Variants in FAM178B observed in about 807,000 individuals in gnomAD.
FAM178B encodes family with sequence similarity 178 member B.
FAM178B carries 82 observed loss-of-function variants against 91.7 expected under a neutral mutation model. The ratio of observed to expected loss-of-function variants is 0.89; its 90% CI spans 0.75 to 1.07. The LOEUF is 1.07. Among genes scored for constraint, FAM178B ranks in the 50% least tolerant of loss-of-function variants. The pLI, the probability that FAM178B is intolerant of heterozygous loss-of-function variation, is 0.00. For synonymous variants in FAM178B, 368 were observed against 359.4 expected, an observed-to-expected ratio of 1.02 and a Z score of -0.27; for missense variants, 769 against 846.7, an observed-to-expected ratio of 0.91 and a Z score of 1.14.
At chr2:96,893,159 A>G (rs1376958614) in intron 14 of FAM178B, among the ~76,000 whole-genome samples, 1 of 152,166 alleles carries the variant, frequency 6.6e-6, no homozygotes, top group Non-Finnish European at 1.5e-5. Flanking sequence ...ATCTTCCCCA[A>G]TTATAACGAT....
chr2:96,935,357 C>T (rs2081607184), intron 8 of FAM178B, among the ~76,000 whole-genome samples: 1 of 152,264 alleles, frequency 6.6e-6, no homozygotes, highest in South Asian at 2.1e-4. Context: ...TCTCATGCTC[C>T]AGGTCACATC....
chr2:96,982,233 T>C (rs1180357819), intron 1 of FAM178B, among the ~76,000 whole-genome samples: 1 of 152,028 alleles, frequency 6.6e-6, no homozygotes, highest in Non-Finnish European at 1.5e-5. Flanking sequence ...TAAATATATA[T>C]ATTCATATAG....
chr2:96,881,690 GTT>G (rs1247786232), intron 14 of FAM178B, among the ~76,000 whole-genome samples: 1 of 144,178 alleles, frequency 6.9e-6, no homozygotes, highest in East Asian at 2.2e-4. Context: ...AGAGTTACTG[GTT>G]TCACAACTTG....
At chr2:96,977,228 T>C (rs368070016) in intron 1 of FAM178B, among the ~76,000 whole-genome samples, 1 of 52,576 alleles carries the variant, frequency 1.9e-5, no homozygotes, top group Non-Finnish European at 3.8e-5. Flanking sequence ...GTAAAGAAAA[T>C]ACAAAAATTA....
intron 8 of FAM178B, among the ~76,000 whole-genome samples, chr2:96,933,312 T>TAAGA (rs1434497416): frequency 3.3e-5 from 5 of 152,162 alleles, no homozygotes; most frequent in African/African-American, 9.7e-5. Flanking sequence ...GGGCTCTGTG[T>TAAGA]AAGAGGCTGT....
At chr2:96,887,746 C>A (rs2080563858) in intron 14 of FAM178B, among the ~76,000 whole-genome samples, 1 of 152,222 alleles carries the variant, frequency 6.6e-6, no homozygotes, top group Non-Finnish European at 1.5e-5. Context: ...AGATAATCCA[C>A]AGCGTTGTCC....
intron 14 of FAM178B, among the ~76,000 whole-genome samples, chr2:96,883,009 C>T (rs1037291948): frequency 3.3e-5 from 5 of 152,238 alleles, no homozygotes; most frequent in Non-Finnish European, 5.9e-5. Flanking sequence ...GGGTCTTTCC[C>T]CAGAGTCTGG....
intron 6 of FAM178B, among the ~76,000 whole-genome samples, chr2:96,955,903 C>T (rs544193129): frequency 4.0e-4 from 61 of 152,288 alleles, no homozygotes; most frequent in African/African-American, 1.4e-3. Context: ...AAACAAGAGG[C>T]GGGGCTGCCG....
At chr2:96,976,110 T>C (rs2153376067) in intron 1 of FAM178B, among the ~76,000 whole-genome samples, 1 of 152,116 alleles carries the variant, frequency 6.6e-6, no homozygotes, top group East Asian at 1.9e-4. Flanking sequence ...TTTTTTTTTT[T>C]TTGAGAGAGA....
At chr2:96,962,170 C>T (rs2082089282) in intron 5 of FAM178B, among the ~76,000 whole-genome samples, 1 of 151,970 alleles carries the variant, frequency 6.6e-6, no homozygotes, top group Non-Finnish European at 1.5e-5. Flanking sequence ...GGCGTGGTAG[C>T]CGGCACCTGT....
At chr2:96,949,063 CAAG>C (rs751075079) in intron 7 of FAM178B, among the ~76,000 whole-genome samples, 3 of 152,200 alleles carry the variant, frequency 2.0e-5, no homozygotes, top group African/African-American at 4.8e-5. Flanking sequence ...TCTCTCCCAA[CAAG>C]AACATACATT....
chr2:96,981,043 C>T (rs1418257641), intron 1 of FAM178B, among the ~76,000 whole-genome samples: 1 of 152,164 alleles, frequency 6.6e-6, no homozygotes. Flanking sequence ...GCGATCTCAG[C>T]TCACTGCAAC....
At chr2:96,960,535 G>A (rs978439054) in intron 5 of FAM178B, 95 bp from the exon 6 acceptor site, 14 of 1,382,446 alleles carry the variant, frequency 1.0e-5, no homozygotes, top group Middle Eastern at 1.9e-4. Context: ...GGGGGGCCAC[G>A]GGCTCCCTGC....
rs759625072 is a variant in FAM178B, at chr2:96,878,501, G to C, written c.1777-8C>G. Reference sequence around the variant, plus strand: ...GTGGCACAGGTAGCAGGCCTGGAGGGAGAGCACAGGGAGAGCTGCTTCTCT... The same window carrying C: ...GTGGCACAGGTAGCAGGCCTGGAGGCAGAGCACAGGGAGAGCTGCTTCTCT... On this transcript the variant is annotated splice_polypyrimidine_tract_variant and splice_region_variant and intron_variant, in intron 14 of 16. Coordinates refer to ENST00000490605, the MANE Select transcript of FAM178B (RefSeq NM_001122646.3). 6.2e-7 allele frequency: 1 copy of C among 1,613,400 alleles called. No individual in the cohort carries two copies. Among genetic ancestry groups the C allele is most frequent in the Non-Finnish European group, 8.5e-7 (1 of 1,179,894 alleles).
chr2:96,926,529 C>A (rs913958767), intron 9 of FAM178B, among the ~76,000 whole-genome samples: 1 of 152,184 alleles, frequency 6.6e-6, no homozygotes, highest in African/African-American at 2.4e-5. Flanking sequence ...TGTGTTGCAG[C>A]GTGGGCATGA....
At chr2:96,977,937 A>AGGGGG in intron 1 of FAM178B, 1 of 55,268 alleles carries the variant, frequency 1.8e-5, no homozygotes, top group Non-Finnish European at 4.2e-5. Context: ...TCATCGCTGG[A>AGGGGG]GGGTGGGGCG....
chr2:96,878,331 G>A, intron 15 of FAM178B, 85 bp downstream of exon 15: 1 of 1,311,518 alleles, frequency 7.6e-7, no homozygotes, highest in Non-Finnish European at 1.1e-6. Context: ...AGTGGGCTGG[G>A]CGCCATCCCA....
intron 8 of FAM178B, among the ~76,000 whole-genome samples, chr2:96,947,091 TCTTA>T (rs2081842111): frequency 1.3e-5 from 2 of 152,176 alleles, no homozygotes; most frequent in South Asian, 4.1e-4. Context: ...TGGGAGTCCC[TCTTA>T]CTGTCTGCTT....
chr2:96,877,789 G>A (rs2080281940), intron 16 of FAM178B, 101 bp downstream of exon 16: 1 of 1,226,284 alleles, frequency 8.2e-7, no homozygotes, highest in African/African-American at 1.5e-5. Context: ...CCTGCCAGGA[G>A]CTCAGCAGCT....
Sources: allele counts gnomAD v4.1 joint callset (sites outside exome capture counted in the v4.1 genomes callset), GRCh38; gene constraint gnomAD v4.1.1; transcripts MANE v1.5; gene names NCBI Gene and HGNC (gene_info 2026-07-23, HGNC 2026-07-21).